The following MRPS22 variants were observed in gnomAD, a reference collection of about 807,000 sequenced individuals.
The protein encoded by MRPS22 is mitochondrial ribosomal protein S22, also known as small ribosomal subunit protein mS22.
MRPS22 carries 30 observed loss-of-function variants against 44.0 expected under a neutral mutation model. The observed-to-expected ratio is 0.68, with a 90% confidence interval of 0.51 to 0.93. MRPS22 has a LOEUF of 0.93. MRPS22 is among the 40% of genes least tolerant of loss of function. MRPS22 has a pLI of 0.00. For missense variants in MRPS22, 447 were observed against 447.8 expected (o/e 1.00, Z 0.02); for synonymous variants, 165 against 154.4 (o/e 1.07, Z -0.51).
chr3:139,356,475 C>A (rs970237567), intron 7 of MRPS22, among the ~76,000 whole-genome samples: 10 of 152,180 alleles, frequency 6.6e-5, no homozygotes, highest in African/African-American at 2.4e-4. Context: ...GAAACAATGA[C>A]CTGTGATGAC....
At chr3:139,354,798 G>A (rs1387024688) in intron 6 of MRPS22, among the ~76,000 whole-genome samples, 2 of 152,106 alleles carry the variant, frequency 1.3e-5, no homozygotes, top group African/African-American at 4.8e-5. Context: ...TTCCCAACTG[G>A]AAGCCAGTAG....
chr3:139,351,463 C>A, intron 5 of MRPS22: 1 of 320,868 alleles, frequency 3.1e-6, no homozygotes, highest in Admixed American at 4.4e-5. Flanking sequence ...AAGGTATTAT[C>A]TTGGGTAGTA....
chr3:139,344,208 C>T lies in MRPS22; in HGVS notation c.172+10C>T. On this transcript the variant is annotated intron_variant, in intron 1 of 7. Coordinates refer to ENST00000680020, the MANE Select transcript of MRPS22 (RefSeq NM_020191.4). ...TTCAGCTCCGAGGCCGGTAAGTGAC[C>T]TTCCGGACTTTCGCTGGGGCGTTCT... The T allele has an allele frequency of 6.3e-7, 1 of 1,599,096 alleles. No individual in the cohort carries two copies. The highest frequency in any genetic ancestry group is 1.3e-5 in the African/African-American group (1 of 74,858).
chr3:139,353,291 C>A (rs1326215503), intron 6 of MRPS22, among the ~76,000 whole-genome samples: 1 of 152,162 alleles, frequency 6.6e-6, no homozygotes, highest in African/African-American at 2.4e-5. Flanking sequence ...ACAAAAAATA[C>A]CTGTTGTATT....
chr3:139,344,540 A>G (rs890376133), intron 1 of MRPS22: 2 of 610,952 alleles, frequency 3.3e-6, no homozygotes, highest in South Asian at 3.9e-5. Flanking sequence ...GGGGACGCAC[A>G]CAGGAGAGGC....
intron 7 of MRPS22, among the ~76,000 whole-genome samples, chr3:139,356,500 A>G (rs1473894172): frequency 2.6e-5 from 4 of 152,274 alleles, no homozygotes; most frequent in Admixed American, 2.6e-4. Flanking sequence ...TAGGAAGAGT[A>G]GAGAGAAACT....
At position 139,357,104 on chromosome 3, in the gene MRPS22, A is replaced by G; in HGVS notation, c.*90A>G. The G allele has an allele frequency of 5.5e-6, 6 of 1,090,600 alleles. No homozygotes were observed. The South Asian group carries it at 8.2e-5, about 15-fold the overall frequency. 67.6% of individuals were successfully genotyped at this position (1,090,600 alleles called of 1,614,324 possible). On this transcript the variant is annotated 3_prime_UTR_variant, in exon 8 of 8. Coordinates refer to ENST00000680020, the MANE Select transcript of MRPS22 (RefSeq NM_020191.4). The stretch of plus-strand genomic sequence containing the variant: ...AAATGTTAAAAAATGGCCAGATTAA[A>G]AGATATCAATTTGTAGTTCTCCCTA...
Position 139,344,036 on chromosome 3 carries a change from C to T in MRPS22, c.10C>T (p.Leu4Phe), listed in dbSNP as rs767937958. ...GTGGCTTCTGATAATCATGGCGCCC[C>T]TCGGAACAACTGTATTGCTGTGGAG... MAP[L>F]GTTVLLWSLL... The change falls in exon 1 of 8, where the codon CTC (leucine) becomes TTC (phenylalanine). Residue 4 changes from leucine to phenylalanine, a missense_variant. Transcript: ENST00000680020. 9.9e-6 allele frequency: 16 copies of T among 1,614,068 alleles called. No individual in the cohort carries two copies. In the Admixed American group the frequency reaches 1.5e-4, roughly 15 times the overall value.
intron 3 of MRPS22, chr3:139,349,307 T>A (rs770983374): frequency 5.2e-4 from 163 of 312,012 alleles, no homozygotes; most frequent in Non-Finnish European, 9.6e-4. Context: ...TGGCATGTGC[T>A]TTTTTTTTTT....
intron 2 of MRPS22, among the ~76,000 whole-genome samples, chr3:139,347,786 A>G (rs1941069439): frequency 1.3e-5 from 2 of 152,192 alleles, no homozygotes; most frequent in Non-Finnish European, 2.9e-5. Flanking sequence ...ATTGCACCTA[A>G]CTCATAAGGT....
chr3:139,356,958 GAACT>G lies in MRPS22; in HGVS notation c.1031_1034del (p.Leu344HisfsTer27). ...AGAAGCACAGAAGGGAGCCTATATA[GAACT>G]AACACTGCAGACTTATCAAGAAGCA... On this transcript the variant is annotated frameshift_variant, in exon 8 of 8. Transcript: ENST00000680020. LOFTEE classifies it high-confidence loss of function. The G allele has an allele frequency of 1.9e-6, 3 of 1,613,222 alleles. No homozygotes were observed. Among genetic ancestry groups the G allele is most frequent in the Non-Finnish European group, 2.5e-6 (3 of 1,179,658 alleles).
intron 6 of MRPS22, among the ~76,000 whole-genome samples, chr3:139,353,587 A>C: frequency 6.6e-6 from 1 of 152,310 alleles, no homozygotes; most frequent in South Asian, 2.1e-4. Flanking sequence ...CCATATACAC[A>C]AAGGTAAGGC....
In MRPS22 at chr3:139,355,688, T is replaced by A. The variant is rs1941237007; in HGVS notation, c.885T>A (p.Asp295Glu). The A allele has an allele frequency of 2.5e-6, 4 of 1,613,762 alleles. No individual in the cohort carries two copies. Among genetic ancestry groups the A allele is most frequent in the Non-Finnish European group, 3.4e-6 (4 of 1,179,776 alleles). ...TAAACCCTTTCATTCTCAGAATCGA[T>A]GATGCAACCAACTTGGTCCAGCTGT... is the stretch of plus-strand genomic sequence containing the variant. ...LIDQIQRDLI[D>E]DATNLVQLYH... The change falls in exon 7 of 8, where the codon GAT (aspartate) becomes GAA (glutamate). Residue 295 changes from aspartate to glutamate, a missense_variant. Asp to Glu is a conservative substitution (Grantham distance 45). Coordinates refer to ENST00000680020, the MANE Select transcript of MRPS22 (RefSeq NM_020191.4).
rs771057342 is a variant in MRPS22 at position 139,352,631 on chromosome 3, C to T, written c.733-16C>T. 3 of 1,610,604 alleles carry T rather than the reference C, an allele frequency of 1.9e-6. No individual in the cohort carries two copies. The highest frequency in any genetic ancestry group is 2.2e-5 in the South Asian group (2 of 90,924). On this transcript the variant is annotated splice_polypyrimidine_tract_variant and intron_variant, in intron 5 of 7. Transcript: ENST00000680020. ...TTATTTTCATGTTTCTGAAGAGTTG[C>T]ATTTTATGTGGATAGGTTCATCACA...
chr3:139,353,366 C>A (rs1941186353), intron 6 of MRPS22, among the ~76,000 whole-genome samples: 1 of 152,146 alleles, frequency 6.6e-6, no homozygotes, highest in African/African-American at 2.4e-5. Flanking sequence ...TGTGGTAAAA[C>A]TGAAGAGAAA....
At chr3:139,356,877 A>T in intron 7 of MRPS22, 42 bp from the exon 8 acceptor site, 1 of 1,390,838 alleles carries the variant, frequency 7.2e-7, no homozygotes, top group Non-Finnish European at 1.0e-6. Context: ...TATAAATAGC[A>T]TATGTCCTAT....
At chr3:139,345,320 G>C (rs1000903498) in intron 1 of MRPS22, among the ~76,000 whole-genome samples, 2 of 152,160 alleles carry the variant, frequency 1.3e-5, no homozygotes, top group Non-Finnish European at 2.9e-5. Flanking sequence ...CCAGAATGGA[G>C]AAAGGGAGGC....
chr3:139,346,497 C>T (rs1217434577), intron 1 of MRPS22, among the ~76,000 whole-genome samples: 2 of 152,162 alleles, frequency 1.3e-5, no homozygotes, highest in Admixed American at 1.3e-4. Context: ...TCAGCATCCT[C>T]ATTTATAAAA....
In MRPS22 at chr3:139,348,172, G is replaced by A. The variant is rs1161872594; in HGVS notation, c.352G>A (p.Ala118Thr). 1 of 1,613,976 alleles carries A rather than the reference G, an allele frequency of 6.2e-7. No homozygotes were observed. The highest frequency in any genetic ancestry group is 8.5e-7 in the Non-Finnish European group (1 of 1,180,020). ...TTTCTTTCATTAGGCTACAAGACAG[G>A]CAGTTGAGGCAGCTAAAGTACGATT... ...QAQLEEATRQ[A>T]VEAAKVRLKM... The change falls in exon 3 of 8, where the codon GCA becomes ACA. Residue 118 changes from alanine to threonine, a missense_variant. Transcript: ENST00000680020.
Sources: allele counts gnomAD v4.1 joint callset (sites outside exome capture counted in the v4.1 genomes callset), GRCh38; gene constraint gnomAD v4.1.1; transcripts MANE v1.5; gene names NCBI Gene and HGNC (gene_info 2026-07-23, HGNC 2026-07-21).